MICAL2: variants seen among roughly 807,000 people sequenced by gnomAD.
MICAL2 encodes microtubule associated monooxygenase, calponin and LIM domain containing 2.
MICAL2 carries 77 observed loss-of-function variants against 127.3 expected under a neutral mutation model. The ratio of observed to expected loss-of-function variants is 0.60; its 90% CI spans 0.50 to 0.73. MICAL2 has a LOEUF of 0.73. Among genes scored for constraint, MICAL2 ranks in the 30% least tolerant of loss-of-function variants. The probability of loss-of-function intolerance (pLI) is 0.00; values close to 1 mark genes in which losing one functional copy is unlikely to be tolerated. For synonymous variants in MICAL2, 570 were observed against 551.1 expected (o/e 1.03, Z -0.48); for missense variants, 1,351 against 1,434.4 (o/e 0.94, Z 0.94).
chr11:12,286,773 C>A (rs1380702709), intron 2 of MICAL2: 2 of 200,128 alleles, frequency 1.0e-5, no homozygotes, highest in Non-Finnish European at 2.0e-5. Context: ...TACTCGGGAG[C>A]CTGAGGTGGG....
At chr11:12,187,687 G>T (rs1565123476) in intron 3 of MICAL2, among the ~76,000 whole-genome samples, 1 of 152,186 alleles carries the variant, frequency 6.6e-6, no homozygotes, top group Non-Finnish European at 1.5e-5. Flanking sequence ...GGTGACTGGG[G>T]GTTCCCGAGA....
rs933201911 is a variant in MICAL2, at chr11:12,256,086, G to A, written c.2955+336G>A. Reference sequence around the variant, plus strand: ...CAGTGTTTAGTGTCCAACCTGAACAGACTCTGTGCATTGGATTGAGAAAAA... The same window carrying A: ...CAGTGTTTAGTGTCCAACCTGAACAAACTCTGTGCATTGGATTGAGAAAAA... On this transcript the variant is annotated intron_variant, in intron 23 of 27. Coordinates refer to ENST00000683283, the MANE Select transcript of MICAL2 (RefSeq NM_001282663.2). 6 of 242,692 alleles carry A rather than the reference G, an allele frequency of 2.5e-5. 1 individual carries two copies. The highest frequency in any genetic ancestry group is 4.8e-5 in the Non-Finnish European group (6 of 124,852). 15.0% of individuals were successfully genotyped at this position (242,692 alleles called of 1,614,324 possible).
downstream of MICAL2, among the ~76,000 whole-genome samples, chr11:12,291,463 G>A (rs760681087): frequency 3.3e-5 from 5 of 152,084 alleles, no homozygotes; most frequent in Non-Finnish European, 4.4e-5. Context: ...ACTGAACCAG[G>A]CCTGTCCTCA....
At chr11:12,342,891 C>T (rs1380682485) in intron 32 of MICAL2, among the ~76,000 whole-genome samples, 1 of 152,132 alleles carries the variant, frequency 6.6e-6, no homozygotes, top group Admixed American at 6.5e-5. Flanking sequence ...ATGCTGCCTT[C>T]GTCAGGACCC....
At chr11:12,337,418 T>C (rs1938785999) in intron 32 of MICAL2, among the ~76,000 whole-genome samples, 1 of 152,174 alleles carries the variant, frequency 6.6e-6, no homozygotes, top group Non-Finnish European at 1.5e-5. Context: ...CTGGATTCAT[T>C]GATTTTTTGA....
chr11:12,158,467 A>G (rs1005634702), intron 2 of MICAL2, among the ~76,000 whole-genome samples: 1 of 151,670 alleles, frequency 6.6e-6, no homozygotes, highest in East Asian at 1.9e-4. Context: ...GTCCCACATC[A>G]CAGATACAAC....
At chr11:12,324,000 G>T (rs1422276993) in exon 31 of MICAL2, 1 of 1,611,152 alleles carries the variant, frequency 6.2e-7, no homozygotes. Flanking sequence ...CTTAGAAGAA[G>T]AAAGAAGCTA....
chr11:12,215,298 G>T (rs1447628961), intron 7 of MICAL2, among the ~76,000 whole-genome samples: 3 of 152,160 alleles, frequency 2.0e-5, no homozygotes, highest in Non-Finnish European at 4.4e-5. Context: ...TCTCCTGGGG[G>T]CCCTCTGCAT....
rs181487305 is a variant in MICAL2 at position 12,349,601 on chromosome 11, C to T, written c.5516-237C>T. Among the ~76,000 whole-genome samples the T allele has an allele frequency of 2.0e-5, 3 of 152,224 alleles. No individual in the cohort carries two copies. In the East Asian group the frequency reaches 5.8e-4, roughly 29 times the overall value. On this transcript the variant is annotated intron_variant, in intron 32 of 34. Transcript: ENST00000646065. ...TATCGTGGTTATGTGACCATTGGAA[C>T]TGGAGTAGTCATGCCCTAAGTGTCC...
At chr11:12,302,267 A>G (rs1864055912) in intron 29 of MICAL2, among the ~76,000 whole-genome samples, 1 of 152,254 alleles carries the variant, frequency 6.6e-6, no homozygotes. Flanking sequence ...AAAGAACATT[A>G]GCATATACCT....
At chr11:12,180,343 G>A (rs2403593) in intron 3 of MICAL2, among the ~76,000 whole-genome samples, 97,557 of 145,630 alleles carry the variant, frequency 0.67, 32,811 homozygotes, top group South Asian at 0.8. Context: ...ATGTATATAT[G>A]TATATATTTT....
chr11:12,226,250 A>G lies in MICAL2; in HGVS notation c.1768A>G (p.Ile590Val). The change falls in exon 14 of 28, where the codon ATC becomes GTC. Residue 590 changes from isoleucine to valine, a missense_variant. Ile to Val is a conservative substitution (Grantham distance 29, BLOSUM62 3). Around this residue, in one of 2 missense-constraint regions of MICAL2, gnomAD observed 752 missense variants for 719.4 expected, o/e 1.05. Transcript: ENST00000683283. Reference sequence around the variant, plus strand: ...TGATGTGGCCGAGCGAGAGTTTGGGATCCCTCCAGTGACCACGGGCAAAGA... The same window carrying G: ...TGATGTGGCCGAGCGAGAGTTTGGGGTCCCTCCAGTGACCACGGGCAAAGA... ...AFDVAEREFG[I>V]PPVTTGKEMA... is the part of the protein sequence containing the mutation. 2 of 1,614,184 alleles carry G rather than the reference A, an allele frequency of 1.2e-6. No homozygotes were observed. Among genetic ancestry groups the G allele is most frequent in the African/African-American group, 1.3e-5 (1 of 75,040 alleles).
intron 23 of MICAL2, chr11:12,256,493 G>C (rs1428201976): frequency 3.2e-6 from 1 of 312,284 alleles, no homozygotes; most frequent in East Asian, 6.0e-5. Flanking sequence ...GTCAGACCAG[G>C]ATCACTCCCA....
At position 12,110,638 on chromosome 11, in the gene MICAL2, T is replaced by C. The variant is rs1849519659; in HGVS notation, c.-237T>C. On this transcript the variant is annotated 5_prime_UTR_variant, in exon 1 of 28. Coordinates refer to ENST00000683283, the MANE Select transcript of MICAL2 (RefSeq NM_001282663.2). This position sits in a 1 kb window ranked among gnomAD's most constrained non-coding sequence, Gnocchi z 4.5. ...GGGCCGCCTCGCTCGCTCCCAGCTC[T>C]GTCAGTGGCCCGCGGGGCCCGATCG... The C allele has an allele frequency of 6.6e-6, 1 of 151,706 alleles. No homozygotes were observed. Among genetic ancestry groups the C allele is most frequent in the Non-Finnish European group, 1.5e-5 (1 of 67,906 alleles). 9.4% of individuals were successfully genotyped at this position (151,706 alleles called of 1,614,324 possible).
intron 23 of MICAL2, 106 bp downstream of exon 23, chr11:12,255,856 T>G: frequency 1.2e-6 from 1 of 821,578 alleles, no homozygotes; most frequent in South Asian, 1.7e-5. Flanking sequence ...GAGGCTCCTC[T>G]TCTCTTGGAA....
intron 1 of MICAL2, among the ~76,000 whole-genome samples, chr11:12,124,276 C>G (rs909798889): frequency 2.4e-4 from 37 of 152,172 alleles, no homozygotes; most frequent in African/African-American, 8.9e-4. Context: ...CTGTCACACT[C>G]CTGGAGACCT....
At chr11:12,221,211 G>T in intron 9 of MICAL2, among the ~76,000 whole-genome samples, 1 of 152,096 alleles carries the variant, frequency 6.6e-6, no homozygotes, top group East Asian at 1.9e-4. Flanking sequence ...CATGCTCCAT[G>T]TTACACCCAG....
intron 21 of MICAL2, among the ~76,000 whole-genome samples, chr11:12,245,780 T>A (rs1322783493): frequency 6.6e-6 from 1 of 152,202 alleles, no homozygotes; most frequent in Non-Finnish European, 1.5e-5. Context: ...GTCATCACCA[T>A]CAGCAAGGTT....
At chr11:12,297,208 G>T (rs915673075), downstream of MICAL2, among the ~76,000 whole-genome samples, 1 of 152,240 alleles carries the variant, frequency 6.6e-6, no homozygotes, top group East Asian at 1.9e-4. Context: ...TGCACTAACT[G>T]GTGTGTTACT....
Sources: gnomAD v4.1 joint callset for allele counts (sites outside exome capture counted in the v4.1 genomes callset) on GRCh38, gnomAD v4.1.1 for gene constraint, gnomAD v4.1.1 regional missense constraint, Gnocchi (gnomAD v3.1) non-coding constraint, MANE v1.5 for transcripts, NCBI Gene and HGNC (gene_info 2026-07-23, HGNC 2026-07-21) for gene names.